XKR4: variants seen among roughly 807,000 people sequenced by gnomAD.
XKR4 encodes the protein XK related 4.
In XKR4, 12 loss-of-function variants were observed where a neutral mutation model predicts 53.9. The ratio of observed to expected loss-of-function variants is 0.22; its 90% CI spans 0.14 to 0.36. The LOEUF is 0.36. XKR4 is among the 10% of genes least tolerant of loss of function. The probability of loss-of-function intolerance (pLI) is 1.00; values close to 1 mark genes in which losing one functional copy is unlikely to be tolerated. For synonymous variants in XKR4, 354 were observed against 362.4 expected, an observed-to-expected ratio of 0.98 and a Z score of 0.26; for missense variants, 799 against 859.5, an observed-to-expected ratio of 0.93 and a Z score of 0.88.
chr8:55,490,377 A>G (rs1269070196), intron 2 of XKR4, among the ~76,000 whole-genome samples: 1 of 152,206 alleles, frequency 6.6e-6, no homozygotes, highest in Non-Finnish European at 1.5e-5. Flanking sequence ...GTAGGAGTTA[A>G]ACAATGGGTG....
intron 2 of XKR4, among the ~76,000 whole-genome samples, chr8:55,508,188 T>A (rs1806574115): frequency 6.6e-6 from 1 of 152,076 alleles, no homozygotes; most frequent in Non-Finnish European, 1.5e-5. Context: ...CATGTCTTGG[T>A]CAGGAAAGGA....
At chr8:55,257,853 A>G (rs1447260835) in intron 1 of XKR4, among the ~76,000 whole-genome samples, 1 of 152,156 alleles carries the variant, frequency 6.6e-6, no homozygotes, top group Non-Finnish European at 1.5e-5. Context: ...AATGTATCTC[A>G]GGTCATATTT....
chr8:55,514,164 T>A (rs1452614125), intron 2 of XKR4, among the ~76,000 whole-genome samples: 1 of 152,050 alleles, frequency 6.6e-6, no homozygotes. Context: ...GGACAAAAAA[T>A]TTACATTGAA....
At chr8:55,482,477 C>T (rs1258753526) in intron 2 of XKR4, among the ~76,000 whole-genome samples, 2 of 152,050 alleles carry the variant, frequency 1.3e-5, no homozygotes, top group Non-Finnish European at 2.9e-5. Flanking sequence ...AGCACACCAA[C>T]ATGGCACATG....
intron 1 of XKR4, among the ~76,000 whole-genome samples, chr8:55,208,509 G>C (rs1187651009): frequency 6.6e-6 from 1 of 151,382 alleles, no homozygotes; most frequent in Non-Finnish European, 1.5e-5. Flanking sequence ...GAGTCTTGCT[G>C]TATCACCCAG....
chr8:55,283,331 G>T (rs954415764), intron 1 of XKR4, among the ~76,000 whole-genome samples: 7 of 152,194 alleles, frequency 4.6e-5, no homozygotes, highest in African/African-American at 1.7e-4. Flanking sequence ...CATAGACTGA[G>T]AAGGCCCAAT....
intron 2 of XKR4, among the ~76,000 whole-genome samples, chr8:55,475,531 C>T (rs143723007): frequency 2.2e-4 from 33 of 152,100 alleles, no homozygotes; most frequent in Non-Finnish European, 3.8e-4. Flanking sequence ...ATCCTCCTAC[C>T]TCAGCCTACT....
At chr8:55,132,067 CCAGCAGT>C (rs973003445) in intron 1 of XKR4, among the ~76,000 whole-genome samples, 6 of 152,166 alleles carry the variant, frequency 3.9e-5, no homozygotes, top group African/African-American at 1.4e-4. Flanking sequence ...GTCCAGGTAA[CCAGCAGT>C]CAGCAGTCAT....
intron 1 of XKR4, among the ~76,000 whole-genome samples, chr8:55,316,126 A>G (rs4302823): frequency 0.64 from 96,988 of 152,106 alleles, 33,061 homozygotes; most frequent in African/African-American, 0.89. Context: ...AGATGAACCC[A>G]TTCAATGTGG....
At chr8:55,440,244 T>A (rs376345013) in intron 2 of XKR4, among the ~76,000 whole-genome samples, 1 of 152,142 alleles carries the variant, frequency 6.6e-6, no homozygotes, top group African/African-American at 2.4e-5. Flanking sequence ...TATGTTGAAC[T>A]CCAAGTAGAA....
intron 1 of XKR4, among the ~76,000 whole-genome samples, chr8:55,141,671 CTGTGTGTGTGTGTG>C (rs370296200): frequency 6.7e-5 from 9 of 135,292 alleles, no homozygotes; most frequent in South Asian, 2.8e-4. Context: ...CTCTCTCTCT[CTGTGTGTGTGTGTG>C]TGTGTCTCTC....
At chr8:55,103,869 A>ATG (rs1315654312) in intron 1 of XKR4, among the ~76,000 whole-genome samples, 4 of 138,100 alleles carry the variant, frequency 2.9e-5, no homozygotes, top group Non-Finnish European at 6.2e-5. Context: ...ATATATATAT[A>ATG]TATATATATA....
chr8:55,305,912 T>C (rs544931666), intron 1 of XKR4, among the ~76,000 whole-genome samples: 38 of 152,348 alleles, frequency 2.5e-4, no homozygotes, highest in Non-Finnish European at 4.1e-4. Context: ...TTAATTTTAA[T>C]GGTAGATGTA....
At chr8:55,191,814 C>T (rs1313164443) in intron 1 of XKR4, among the ~76,000 whole-genome samples, 1 of 151,892 alleles carries the variant, frequency 6.6e-6, no homozygotes, top group African/African-American at 2.4e-5. Flanking sequence ...AGAACATTCC[C>T]ACTTTTTGAC....
At chr8:55,237,579 A>G (rs1818151321) in intron 1 of XKR4, among the ~76,000 whole-genome samples, 1 of 152,144 alleles carries the variant, frequency 6.6e-6, no homozygotes, top group Non-Finnish European at 1.5e-5. Flanking sequence ...CCACATATAA[A>G]TTGACCCATG....
chr8:55,359,299 C>T (rs998275524), intron 2 of XKR4, among the ~76,000 whole-genome samples: 2 of 152,168 alleles, frequency 1.3e-5, no homozygotes, highest in Non-Finnish European at 2.9e-5. Flanking sequence ...ACTATAAAAC[C>T]TCTCACAGCC....
chr8:55,172,388 C>T (rs1817173736), intron 1 of XKR4, among the ~76,000 whole-genome samples: 1 of 151,930 alleles, frequency 6.6e-6, no homozygotes. Context: ...AATTTTGCAC[C>T]TACTCTTGCC....
chr8:55,530,509 G>A lies in XKR4; in HGVS notation c.*6282G>A, dbSNP rs897344499. 1 of 152,210 alleles carries A rather than the reference G, an allele frequency of 6.6e-6. No homozygotes were observed. Among genetic ancestry groups the A allele is most frequent in the East Asian group, 1.9e-4 (1 of 5,202 alleles). The allele number at this position is 152,210 out of a possible 1,614,324, so 9.4% of individuals were successfully genotyped here. A position where few individuals can be genotyped will look rare whatever the true frequency, so the allele number is the denominator to read the frequency against. Reference sequence around the variant, plus strand: ...GTCTGAAGGTCTGCAAGATGACAGAGTTGTAACCCATTCAATGATATTGTT... The same window carrying A: ...GTCTGAAGGTCTGCAAGATGACAGAATTGTAACCCATTCAATGATATTGTT... On this transcript the variant is annotated 3_prime_UTR_variant, in exon 3 of 3. Transcript: ENST00000327381.
At chr8:55,192,294 T>G (rs1030215575) in intron 1 of XKR4, among the ~76,000 whole-genome samples, 10 of 150,276 alleles carry the variant, frequency 6.7e-5, no homozygotes, top group African/African-American at 2.4e-4. Context: ...AGAAGTGACT[T>G]GGAGCATAAA....
Sources: gnomAD v4.1 joint callset for allele counts (sites outside exome capture counted in the v4.1 genomes callset) on GRCh38, gnomAD v4.1.1 for gene constraint, MANE v1.5 for transcripts, NCBI Gene and HGNC (gene_info 2026-07-23, HGNC 2026-07-21) for gene names.